Variants in USP15 observed in about 807,000 individuals in gnomAD.
USP15 encodes the protein ubiquitin carboxyl-terminal hydrolase 15.
A neutral mutation model predicts 127.1 loss-of-function variants in USP15; 18 were observed. That is an observed-to-expected ratio of 0.14 (90% confidence interval 0.10 to 0.21). USP15 has a LOEUF of 0.21. USP15 is among the 10% of genes least tolerant of loss of function. The pLI, the probability that USP15 is intolerant of heterozygous loss-of-function variation, is 1.00. For synonymous variants in USP15, 364 were observed against 393.7 expected, an observed-to-expected ratio of 0.92 and a Z score of 0.89; for missense variants, 805 against 1,159.9, an observed-to-expected ratio of 0.69 and a Z score of 4.44.
At chr12:62,347,222 T>C (rs879497308) in intron 6 of USP15, among the ~76,000 whole-genome samples, 3 of 151,864 alleles carry the variant, frequency 2.0e-5, no homozygotes, top group Non-Finnish European at 4.4e-5. Flanking sequence ...TTTCATTTTC[T>C]TTTCCAATAT....
chr12:62,304,241 A>G (rs1227165319), intron 3 of USP15, among the ~76,000 whole-genome samples: 3 of 152,212 alleles, frequency 2.0e-5, no homozygotes, highest in Non-Finnish European at 4.4e-5. Context: ...AATATAATCA[A>G]AAATTTCACA....
At chr12:62,383,134 G>A (rs1251209204) in intron 9 of USP15, among the ~76,000 whole-genome samples, 2 of 151,740 alleles carry the variant, frequency 1.3e-5, no homozygotes, top group African/African-American at 4.8e-5. Context: ...CCTGTTGTTC[G>A]TGTATACAAT....
At chr12:62,272,580 A>G (rs2063368600) in intron 1 of USP15, among the ~76,000 whole-genome samples, 1 of 151,948 alleles carries the variant, frequency 6.6e-6, no homozygotes, top group Admixed American at 6.6e-5. Flanking sequence ...TGGTCCTTGT[A>G]TATCTTTCTT....
intron 8 of USP15, among the ~76,000 whole-genome samples, chr12:62,377,677 G>A (rs964147354): frequency 2.6e-5 from 4 of 151,654 alleles, no homozygotes; most frequent in Non-Finnish European, 4.4e-5. Flanking sequence ...CTGAGATCAC[G>A]CCATTGTGCT....
chr12:62,293,959 G>A (rs1417829377), intron 1 of USP15, among the ~76,000 whole-genome samples: 3 of 151,932 alleles, frequency 2.0e-5, no homozygotes, highest in African/African-American at 4.8e-5. Flanking sequence ...TTTTATGTCA[G>A]TATTTGTCAT....
intron 8 of USP15, among the ~76,000 whole-genome samples, chr12:62,376,047 T>C (rs2066819129): frequency 6.6e-6 from 1 of 152,138 alleles, no homozygotes; most frequent in South Asian, 2.1e-4. Flanking sequence ...CTTTTCATAA[T>C]AGCTCATGTC....
chr12:62,321,984 G>T (rs559073497), intron 5 of USP15, among the ~76,000 whole-genome samples: 2 of 152,304 alleles, frequency 1.3e-5, no homozygotes, highest in African/African-American at 4.8e-5. Context: ...CATTGCCATT[G>T]TAGTACACAA....
At chr12:62,262,437 AT>A (rs2063094252) in intron 1 of USP15, among the ~76,000 whole-genome samples, 1 of 152,106 alleles carries the variant, frequency 6.6e-6, no homozygotes, top group Non-Finnish European at 1.5e-5. Context: ...TAAAAAGTGA[AT>A]TTCCTTAAAA....
chr12:62,328,072 C>T (rs1565858733), intron 6 of USP15, among the ~76,000 whole-genome samples: 1 of 152,028 alleles, frequency 6.6e-6, no homozygotes. Context: ...AGTTACATTT[C>T]ATTGAGAAAT....
At chr12:62,375,582 G>A (rs2066802019) in intron 8 of USP15, among the ~76,000 whole-genome samples, 2 of 152,066 alleles carry the variant, frequency 1.3e-5, no homozygotes, top group Non-Finnish European at 2.9e-5. Context: ...AGGAATATTC[G>A]TTCTTCCTTG....
intron 7 of USP15, among the ~76,000 whole-genome samples, chr12:62,349,789 G>A (rs1172487766): frequency 6.6e-6 from 1 of 151,892 alleles, no homozygotes; most frequent in Non-Finnish European, 1.5e-5. Context: ...TTAGAATCAT[G>A]GAATTTATAA....
intron 8 of USP15, among the ~76,000 whole-genome samples, chr12:62,378,073 G>C (rs546969163): frequency 3.0e-4 from 46 of 152,224 alleles, no homozygotes; most frequent in African/African-American, 1.0e-3. Flanking sequence ...CAGGTGCGGT[G>C]GTGGGCGCCT....
chr12:62,292,285 G>A (rs528022108), intron 1 of USP15, among the ~76,000 whole-genome samples: 2 of 152,352 alleles, frequency 1.3e-5, no homozygotes, highest in South Asian at 4.1e-4. Flanking sequence ...TCTCCAAGCT[G>A]CAATGTAGCC....
chr12:62,403,035 T>C (rs990062852), intron 21 of USP15, among the ~76,000 whole-genome samples: 1 of 152,098 alleles, frequency 6.6e-6, no homozygotes, highest in Non-Finnish European at 1.5e-5. Flanking sequence ...AAGTTTAAGA[T>C]GACTTTTACT....
intron 1 of USP15, among the ~76,000 whole-genome samples, chr12:62,292,022 C>T (rs943652888): frequency 1.3e-5 from 2 of 151,872 alleles, no homozygotes; most frequent in African/African-American, 4.8e-5. Context: ...CTTTGTTTGC[C>T]AGGGAAAGCT....
intron 3 of USP15, among the ~76,000 whole-genome samples, chr12:62,307,282 A>C: frequency 6.6e-6 from 1 of 152,208 alleles, no homozygotes; most frequent in African/African-American, 2.4e-5. Flanking sequence ...GCATGAAAAA[A>C]GGATGACTCA....
At chr12:62,402,476 A>AG (rs1275079865) in intron 21 of USP15, among the ~76,000 whole-genome samples, 2 of 152,090 alleles carry the variant, frequency 1.3e-5, no homozygotes, top group African/African-American at 4.8e-5. Context: ...TAACCAGCAC[A>AG]GGGAAGTTCA....
chr12:62,317,076 A>T (rs892438012), intron 4 of USP15, among the ~76,000 whole-genome samples: 3 of 152,082 alleles, frequency 2.0e-5, no homozygotes, highest in South Asian at 4.1e-4. Flanking sequence ...ATTGAATGGG[A>T]GATATTAGAA....
rs545301612 is a variant in USP15 at position 62,403,585 on chromosome 12, G to A, written c.2764-608G>A. Among the ~76,000 whole-genome samples the A allele has an allele frequency of 2.0e-5, 3 of 152,154 alleles. No homozygotes were observed. In the East Asian group the frequency reaches 5.8e-4, roughly 29 times the overall value. ...AGAAGTGTGCATGAGAGTGAATGAT[G>A]AGTATTGACAACTCTGTTTATCACC... On this transcript the variant is annotated intron_variant, in intron 21 of 21. Coordinates refer to ENST00000280377, the MANE Select transcript of USP15 (RefSeq NM_001252078.2).
Sources: allele counts gnomAD v4.1 joint callset (sites outside exome capture counted in the v4.1 genomes callset), GRCh38; gene constraint gnomAD v4.1.1; transcripts MANE v1.5; gene names NCBI Gene and HGNC (gene_info 2026-07-23, HGNC 2026-07-21).